The following CAMKMT variants were observed in gnomAD, a reference collection of about 807,000 sequenced individuals.
The protein encoded by CAMKMT is calmodulin-lysine N-methyltransferase, also known as CaM KMT.
In CAMKMT, 53 loss-of-function variants were observed where a neutral mutation model predicts 48.0. That is an observed-to-expected ratio of 1.10 (90% confidence interval 0.89 to 1.39). The LOEUF is 1.39. Among genes scored for constraint, CAMKMT ranks in the 40% most tolerant of loss-of-function variants. The probability of loss-of-function intolerance (pLI) is 0.00; values close to 1 mark genes in which losing one functional copy is unlikely to be tolerated. For missense variants in CAMKMT, 428 were observed against 402.7 expected, an observed-to-expected ratio of 1.06 and a Z score of -0.54; for synonymous variants, 165 against 152.3, an observed-to-expected ratio of 1.08 and a Z score of -0.61.
intron 3 of CAMKMT, among the ~76,000 whole-genome samples, chr2:44,620,695 T>G (rs552926102): frequency 6.6e-6 from 1 of 152,350 alleles, no homozygotes; most frequent in South Asian, 2.1e-4. Flanking sequence ...TTCACACTTC[T>G]TCCTTACTCT....
intron 3 of CAMKMT, among the ~76,000 whole-genome samples, chr2:44,684,640 T>G (rs1676233044): frequency 6.6e-6 from 1 of 152,156 alleles, no homozygotes; most frequent in Admixed American, 6.5e-5. Flanking sequence ...CATGACATGG[T>G]CTCTGCTGAA....
chr2:44,458,872 G>A (rs1667710642), intron 3 of CAMKMT, among the ~76,000 whole-genome samples: 1 of 152,056 alleles, frequency 6.6e-6, no homozygotes, highest in African/African-American at 2.4e-5. Context: ...AAGGCCATAC[G>A]TAACTGTGTA....
intron 3 of CAMKMT, among the ~76,000 whole-genome samples, chr2:44,409,103 A>T (rs1474379967): frequency 1.2e-4 from 1 of 8,008 alleles, no homozygotes; most frequent in Non-Finnish European, 5.1e-4. Flanking sequence ...ATATATATAT[A>T]TATATATATA....
intron 3 of CAMKMT, among the ~76,000 whole-genome samples, chr2:44,651,407 G>C (rs1674057088): frequency 1.3e-5 from 2 of 152,190 alleles, no homozygotes; most frequent in South Asian, 4.1e-4. Context: ...TTTTTAGCCA[G>C]ACGCCGTGGC....
intron 3 of CAMKMT, among the ~76,000 whole-genome samples, chr2:44,701,073 G>C (rs925432559): frequency 1.3e-5 from 2 of 152,142 alleles, no homozygotes; most frequent in African/African-American, 2.4e-5. Flanking sequence ...CCACTTTTGG[G>C]CTACTAAGAA....
At chr2:44,677,894 T>C (rs1343657621) in intron 3 of CAMKMT, among the ~76,000 whole-genome samples, 1 of 152,142 alleles carries the variant, frequency 6.6e-6, no homozygotes, top group East Asian at 1.9e-4. Flanking sequence ...AATGTGTATG[T>C]GTATTTCACA....
intron 3 of CAMKMT, among the ~76,000 whole-genome samples, chr2:44,427,181 A>G (rs1321653422): frequency 6.6e-6 from 1 of 152,214 alleles, no homozygotes; most frequent in Non-Finnish European, 1.5e-5. Context: ...AAAGATTTAA[A>G]TATAAGATCT....
intron 3 of CAMKMT, among the ~76,000 whole-genome samples, chr2:44,534,129 A>G (rs1666636209): frequency 6.6e-6 from 1 of 152,216 alleles, no homozygotes; most frequent in Admixed American, 6.5e-5. Flanking sequence ...GACACAAAGA[A>G]AAGTTATATA....
intron 3 of CAMKMT, among the ~76,000 whole-genome samples, chr2:44,542,741 G>T (rs1667200252): frequency 1.3e-5 from 2 of 152,082 alleles, no homozygotes; most frequent in Non-Finnish European, 2.9e-5. Flanking sequence ...CTAGAAGCAG[G>T]GACAGTATTC....
chr2:44,488,813 T>A (rs1669337072), intron 3 of CAMKMT, among the ~76,000 whole-genome samples: 1 of 151,428 alleles, frequency 6.6e-6, no homozygotes, highest in South Asian at 2.1e-4. Flanking sequence ...ACAAGGATAC[T>A]TATTAAAAAT....
intron 7 of CAMKMT, among the ~76,000 whole-genome samples, chr2:44,738,641 A>AAGAT (rs1679494466): frequency 6.6e-6 from 1 of 152,234 alleles, no homozygotes; most frequent in Non-Finnish European, 1.5e-5. Flanking sequence ...ACTGTACAAA[A>AAGAT]CAGATTTTAA....
intron 2 of CAMKMT, among the ~76,000 whole-genome samples, chr2:44,373,731 A>G (rs1679401863): frequency 1.3e-5 from 2 of 152,214 alleles, no homozygotes; most frequent in African/African-American, 4.8e-5. Context: ...TAGAATATCT[A>G]AGCTTTAAAA....
At chr2:44,625,015 G>A (rs114465227) in intron 3 of CAMKMT, among the ~76,000 whole-genome samples, 5,593 of 152,122 alleles carry the variant, frequency 0.037, 332 homozygotes, top group African/African-American at 0.13. Context: ...AATGATTGCC[G>A]GAATGGCTGG....
intron 3 of CAMKMT, among the ~76,000 whole-genome samples, chr2:44,645,767 G>A (rs1673697410): frequency 6.6e-6 from 1 of 152,190 alleles, no homozygotes; most frequent in Admixed American, 6.5e-5. Flanking sequence ...GCTGCAGTGA[G>A]CTGAGATTAT....
At chr2:44,621,157 A>G (rs1014700811) in intron 3 of CAMKMT, among the ~76,000 whole-genome samples, 4 of 148,868 alleles carry the variant, frequency 2.7e-5, no homozygotes, top group Admixed American at 6.9e-5. Context: ...AGTCCCAGCT[A>G]TTTGGGAGGC....
intron 3 of CAMKMT, among the ~76,000 whole-genome samples, chr2:44,538,066 A>G (rs1009670483): frequency 6.6e-6 from 1 of 152,152 alleles, no homozygotes; most frequent in Non-Finnish European, 1.5e-5. Context: ...CCCACCAATC[A>G]ATGAGCAGAT....
At chr2:44,548,335 C>T (rs1667515206) in intron 3 of CAMKMT, among the ~76,000 whole-genome samples, 1 of 152,140 alleles carries the variant, frequency 6.6e-6, no homozygotes, top group African/African-American at 2.4e-5. Context: ...TTGTCTAAGA[C>T]CCACTTATCT....
chr2:44,450,583 C>G (rs1237306598), intron 3 of CAMKMT, among the ~76,000 whole-genome samples: 2 of 151,900 alleles, frequency 1.3e-5, no homozygotes, highest in East Asian at 3.9e-4. Flanking sequence ...ACACTTTCAC[C>G]CATATATTTT....
intron 7 of CAMKMT, among the ~76,000 whole-genome samples, chr2:44,717,310 T>G (rs1421999096): frequency 6.6e-6 from 1 of 152,190 alleles, no homozygotes; most frequent in Non-Finnish European, 1.5e-5. Context: ...TGTAAGCATT[T>G]TGTTCAAAGT....
Sources: allele counts gnomAD v4.1 joint callset (sites outside exome capture counted in the v4.1 genomes callset), GRCh38; gene constraint gnomAD v4.1.1; transcripts MANE v1.5; gene names NCBI Gene and HGNC (gene_info 2026-07-23, HGNC 2026-07-21).